Variants in DLGAP1 observed in about 807,000 individuals in gnomAD.
DLGAP1 encodes DLG associated protein 1, also known as disks large-associated protein 1.
A neutral mutation model predicts 90.8 loss-of-function variants in DLGAP1; 11 were observed. The observed-to-expected ratio is 0.12, with a 90% confidence interval of 0.08 to 0.20. DLGAP1 has a LOEUF of 0.20. DLGAP1 is among the 10% of genes least tolerant of loss of function. The pLI is 1.00. For missense variants in DLGAP1, 1,050 were observed against 1,333.8 expected (o/e 0.79, Z 3.31); for synonymous variants, 558 against 540.7 (o/e 1.03, Z -0.44).
intron 7 of DLGAP1, among the ~76,000 whole-genome samples, chr18:3,677,961 T>G (rs1316629232): frequency 1.1e-3 from 1 of 898 alleles, no homozygotes; most frequent in African/African-American, 1.3e-3. Flanking sequence ...GCCCGGTGGG[T>G]TTTTTTTTTT....
Position 3,526,253 on chromosome 18 carries a change from A to G in DLGAP1, c.2479+7941T>C, listed in dbSNP as rs2051611296. On this transcript the variant is annotated intron_variant, in intron 10 of 12. Transcript: ENST00000315677. The surrounding 1 kb of genome is among the most constrained non-coding windows in gnomAD (Gnocchi z 4.7). ...ACACACACGGGCTGGAGGCAGATGA[A>G]TTGCAGAACTCACAGATACAGCTTT... Among the ~76,000 whole-genome samples, 1 of 152,224 alleles carries G rather than the reference A, an allele frequency of 6.6e-6. No homozygotes were observed. Among genetic ancestry groups the G allele is most frequent in the African/African-American group, 2.4e-5 (1 of 41,460 alleles).
chr18:4,291,570 A>G (rs2079849917), intron 1 of DLGAP1, among the ~76,000 whole-genome samples: 1 of 152,126 alleles, frequency 6.6e-6, no homozygotes, highest in South Asian at 2.1e-4. Context: ...ACATACACAC[A>G]TTTGGATTAT....
At chr18:4,000,921 T>C (rs1455113715) in intron 3 of DLGAP1, among the ~76,000 whole-genome samples, 1 of 152,218 alleles carries the variant, frequency 6.6e-6, no homozygotes, top group Non-Finnish European at 1.5e-5. Flanking sequence ...ACCAGGTACG[T>C]CCTTTCAAAT....
At chr18:4,372,924 T>C (rs563345531) in intron 1 of DLGAP1, among the ~76,000 whole-genome samples, 22 of 145,392 alleles carry the variant, frequency 1.5e-4, no homozygotes, top group African/African-American at 4.5e-4. Flanking sequence ...CGAGACTCCA[T>C]CTCAAAAAAA....
chr18:3,587,090 C>T (rs896535730), intron 7 of DLGAP1, among the ~76,000 whole-genome samples: 3 of 152,220 alleles, frequency 2.0e-5, no homozygotes, highest in Non-Finnish European at 2.9e-5. Context: ...GACGGAGTTT[C>T]GCTCTTGTCG....
intron 4 of DLGAP1, among the ~76,000 whole-genome samples, chr18:3,869,626 C>T (rs751192600): frequency 1.3e-5 from 2 of 152,174 alleles, no homozygotes; most frequent in Admixed American, 6.5e-5. Context: ...TGCGTTTAGT[C>T]GGCACACAAG....
intron 6 of DLGAP1, among the ~76,000 whole-genome samples, chr18:3,730,159 A>G (rs1484856604): frequency 6.6e-6 from 1 of 152,196 alleles, no homozygotes; most frequent in African/African-American, 2.4e-5. Flanking sequence ...AGGCTGTGGC[A>G]GGAGGATCAC....
At chr18:4,188,245 G>A (rs117352959) in intron 1 of DLGAP1, among the ~76,000 whole-genome samples, 3,837 of 151,852 alleles carry the variant, frequency 0.025, 68 homozygotes, top group Middle Eastern at 0.058. Flanking sequence ...TAATTCAGTC[G>A]TTCTAGAATC....
intron 7 of DLGAP1, among the ~76,000 whole-genome samples, chr18:3,674,296 A>AAAAAAAAATATATATAT (rs755076240): frequency 7.8e-6 from 1 of 128,992 alleles, no homozygotes; most frequent in African/African-American, 3.2e-5. Context: ...ATAATATTAA[A>AAAAAAAAATATATATAT]ATATATATAT....
At chr18:4,192,821 G>A (rs547216083) in intron 1 of DLGAP1, among the ~76,000 whole-genome samples, 45 of 152,286 alleles carry the variant, frequency 3.0e-4, no homozygotes, top group Middle Eastern at 3.4e-3. Flanking sequence ...AGCTTTGTAG[G>A]CTCGGGGGGA....
At chr18:3,602,493 G>A (rs993509914) in intron 7 of DLGAP1, among the ~76,000 whole-genome samples, 3 of 150,912 alleles carry the variant, frequency 2.0e-5, no homozygotes, top group Non-Finnish European at 3.0e-5. Flanking sequence ...TACTCGGGAG[G>A]CTGAGGCAGG....
In DLGAP1 at chr18:4,386,574, C is replaced by T. The variant is rs538263555; in HGVS notation, c.-267+68432G>A. Among the ~76,000 whole-genome samples the T allele has an allele frequency of 1.9e-4, 29 of 152,246 alleles. No homozygotes were observed. The South Asian group carries it at 5.0e-3, about 26-fold the overall frequency. On this transcript the variant is annotated intron_variant, in intron 1 of 12. Transcript: ENST00000315677. The stretch of plus-strand genomic sequence containing the variant: ...AGTGAGCTGTAGTTGTATAGCCAGT[C>T]GACCTGTCCAAGGTCAAAGAGCTGG...
At chr18:3,509,385 T>C (rs1598985240) in intron 10 of DLGAP1, among the ~76,000 whole-genome samples, 1 of 152,314 alleles carries the variant, frequency 6.6e-6, no homozygotes, top group African/African-American at 2.4e-5. Flanking sequence ...AGCAGGCTAC[T>C]TCTTGTCTCC....
At chr18:4,161,071 T>C (rs569337576) in intron 1 of DLGAP1, among the ~76,000 whole-genome samples, 9 of 151,630 alleles carry the variant, frequency 5.9e-5, no homozygotes, top group Non-Finnish European at 1.2e-4. Context: ...CATTCCACAG[T>C]TTATTTTTTT....
intron 11 of DLGAP1, among the ~76,000 whole-genome samples, chr18:3,508,176 C>T (rs2050350297): frequency 6.6e-6 from 1 of 152,136 alleles, no homozygotes; most frequent in African/African-American, 2.4e-5. Context: ...TAGTCATTGA[C>T]TGCTATTTTA....
At chr18:4,111,690 G>T (rs1412823065) in intron 2 of DLGAP1, among the ~76,000 whole-genome samples, 2 of 151,930 alleles carry the variant, frequency 1.3e-5, no homozygotes, top group East Asian at 3.9e-4. Flanking sequence ...CTAGGAATTT[G>T]TCCATTTCAT....
At chr18:4,284,020 G>A (rs1352536855) in intron 1 of DLGAP1, among the ~76,000 whole-genome samples, 4 of 152,050 alleles carry the variant, frequency 2.6e-5, no homozygotes, top group Admixed American at 2.6e-4. Context: ...AATATCAAGT[G>A]TGCCTGCCCG....
At chr18:4,055,751 G>A (rs555911785) in intron 2 of DLGAP1, among the ~76,000 whole-genome samples, 1 of 152,260 alleles carries the variant, frequency 6.6e-6, no homozygotes, top group East Asian at 1.9e-4. Context: ...GCCACAGAAT[G>A]GTGAGATGTG....
intron 7 of DLGAP1, among the ~76,000 whole-genome samples, chr18:3,657,024 G>C (rs1450362868): frequency 6.6e-6 from 1 of 152,210 alleles, no homozygotes; most frequent in Non-Finnish European, 1.5e-5. Context: ...GGGATTACAG[G>C]CGTGAGCCAC....
Sources: gnomAD v4.1 joint callset for allele counts (sites outside exome capture counted in the v4.1 genomes callset) on GRCh38, gnomAD v4.1.1 for gene constraint, Gnocchi (gnomAD v3.1) non-coding constraint, MANE v1.5 for transcripts, NCBI Gene and HGNC (gene_info 2026-07-23, HGNC 2026-07-21) for gene names.